BPTF: variants seen among roughly 807,000 people sequenced by gnomAD.
BPTF encodes the protein bromodomain PHD finger transcription factor.
In BPTF, 18 loss-of-function variants were observed where a neutral mutation model predicts 292.5. The observed-to-expected ratio is 0.06, with a 90% CI of 0.04 to 0.09. The LOEUF (loss-of-function observed/expected upper bound fraction) is 0.09. Among genes scored for constraint, BPTF ranks in the 10% least tolerant of loss-of-function variants. The pLI is 1.00. For synonymous variants in BPTF, 1,225 were observed against 1,251.9 expected (o/e 0.98, Z 0.45); for missense variants, 2,726 against 3,498.7 (o/e 0.78, Z 5.57).
chr17:67,941,251 G>A lies in BPTF; in HGVS notation c.6477+595G>A, dbSNP rs2065339850. 2.6e-5 allele frequency among the ~76,000 whole-genome samples: 4 copies of A among 152,328 alleles called. No homozygotes were observed. The South Asian group carries it at 8.3e-4, about 32-fold the overall frequency. On this transcript the variant is annotated intron_variant, in intron 19 of 27. Transcript: ENST00000306378. ...GGATTGCTTGAGGTCAGGAGTCTGA[G>A]ACCAGCCTGACCAACATGGTGAAAT...
At chr17:67,919,630 A>G (rs892571857) in intron 12 of BPTF, among the ~76,000 whole-genome samples, 2 of 152,206 alleles carry the variant, frequency 1.3e-5, no homozygotes, top group Non-Finnish European at 2.9e-5. Context: ...TCAGATTATA[A>G]AGTGAGTCAC....
intron 3 of BPTF, among the ~76,000 whole-genome samples, chr17:67,872,397 A>T (rs1039874750): frequency 3.3e-5 from 5 of 152,146 alleles, no homozygotes; most frequent in African/African-American, 1.2e-4. Flanking sequence ...TGATTTGGTT[A>T]AGAAAAGCTA....
At position 67,895,865 on chromosome 17, in the gene BPTF, T is replaced by G. The variant is rs550203540; in HGVS notation, c.2543+1700T>G. On this transcript the variant is annotated intron_variant, in intron 7 of 27. Coordinates refer to ENST00000306378, the MANE Select transcript of BPTF (RefSeq NM_182641.4). The stretch of plus-strand genomic sequence containing the variant: ...CCTTCCTAGTACAGTAGAGAGACTT[T>G]TACCCTGTGTACATGAGAAGACATT... Among the ~76,000 whole-genome samples, 16 of 148,424 alleles carry G rather than the reference T, an allele frequency of 1.1e-4. No homozygotes were observed. In the South Asian group the frequency reaches 3.3e-3, roughly 31 times the overall value.
intron 23 of BPTF, among the ~76,000 whole-genome samples, chr17:67,953,961 CTTTTTTTTTTTTTTTTTTTTTTTTTTT>C (rs869063412): frequency 1.1e-3 from 72 of 65,646 alleles, no homozygotes; most frequent in Non-Finnish European, 1.6e-3. Flanking sequence ...CTTTTCTTTT[CTTTTTTTTTTTTTTTTTTTTTTTTTTT>C]TTTTTTTTTT....
chr17:67,911,349 T>C lies in BPTF; in HGVS notation c.3465T>C (p.His1155=). Residue 1155 remains histidine (H), a synonymous_variant, in exon 11 of 28, where the codon CAT becomes CAC. Coordinates refer to ENST00000306378, the MANE Select transcript of BPTF (RefSeq NM_182641.4). ...SSVLRMSDPS[H]TTNKLYPKDR... is the part of the protein sequence containing the mutation. ...TTCTTAGAATGAGTGATCCTAGTCA[T>C]ACCACAAACAAACTTTATCCAAAAG... The C allele has an allele frequency of 1.2e-6, 2 of 1,614,132 alleles. No individual in the cohort carries two copies. Among genetic ancestry groups the C allele is most frequent in the Non-Finnish European group, 1.7e-6 (2 of 1,180,022 alleles).
Position 67,944,096 on chromosome 17 carries a change from ATACATACAGAT to A in BPTF, c.6478-52_6478-42del. The A allele has an allele frequency of 2.4e-6, 3 of 1,274,032 alleles. No individual in the cohort carries two copies. In the Admixed American group the frequency reaches 5.2e-5, roughly 22 times the overall value. 78.9% of individuals were successfully genotyped at this position (1,274,032 alleles called of 1,614,324 possible). ...ATAAAAATGATTTAATAAAAATGATATACATACAGATTGATGCTTTGAACACTGTTTACATG... is the reference window on the plus strand; with the variant it reads ...ATAAAAATGATTTAATAAAAATGATATGATGCTTTGAACACTGTTTACATG... On this transcript the variant is annotated intron_variant, in intron 19 of 27. Coordinates refer to ENST00000306378, the MANE Select transcript of BPTF (RefSeq NM_182641.4).
At chr17:67,875,170 G>A (rs570790794) in intron 4 of BPTF, 150 bp downstream of exon 4, 42 of 684,934 alleles carry the variant, frequency 6.1e-5, no homozygotes, top group Admixed American at 1.8e-4. Flanking sequence ...CTCTTATAAC[G>A]TGTGTAACAA....
chr17:67,931,764 C>A, intron 17 of BPTF, 147 bp from the exon 18 acceptor site: 2 of 563,530 alleles, frequency 3.5e-6, no homozygotes, highest in Non-Finnish European at 6.0e-6. Flanking sequence ...ATGTTTAATA[C>A]AATTTAAAAT....
At chr17:67,973,037 T>TTATATATATATATATTTTATATATA (rs1568222163) in intron 26 of BPTF, among the ~76,000 whole-genome samples, 1 of 143,090 alleles carries the variant, frequency 7.0e-6, no homozygotes, top group Non-Finnish European at 1.5e-5. Context: ...ATATATATAT[T>TTATATATATATATATTTTATATATA]TATATATATA....
At chr17:67,877,204 C>G (rs1182355504) in intron 4 of BPTF, among the ~76,000 whole-genome samples, 2 of 152,176 alleles carry the variant, frequency 1.3e-5, no homozygotes, top group Non-Finnish European at 2.9e-5. Flanking sequence ...TAGATAAGGT[C>G]TGGGCCCTTG....
intron 27 of BPTF, among the ~76,000 whole-genome samples, chr17:67,976,708 AAAAAAAAT>A (rs1555694118): frequency 1.4e-5 from 2 of 142,108 alleles, no homozygotes; most frequent in African/African-American, 5.1e-5. Context: ...AAAAAAAAAA[AAAAAAAAT>A]AAGAATAAAA....
chr17:67,826,394 C>G lies in BPTF; in HGVS notation c.613+57C>G, dbSNP rs533250480. 2.4e-5 allele frequency: 37 copies of G among 1,535,436 alleles called. 2 individuals are homozygous for G. The East Asian group carries it at 7.2e-4, about 30-fold the overall frequency. ...TTCCCCACCTCCTCTGCCCTCCCCCCTTGCTCACTCGTGTGCTGTGCATCC... is the reference window on the plus strand; with the variant it reads ...TTCCCCACCTCCTCTGCCCTCCCCCGTTGCTCACTCGTGTGCTGTGCATCC... On this transcript the variant is annotated intron_variant, in intron 1 of 27. Coordinates refer to ENST00000306378, the MANE Select transcript of BPTF (RefSeq NM_182641.4).
Position 67,912,714 on chromosome 17 carries a change from G to C in BPTF, c.4830G>C (p.Lys1610Asn). Reference sequence around the variant, plus strand: ...TGATCAAGGTAGAAAAAGGCGATAAGCAAACTGTGGTTTCTTCCACAGAAA... The same window carrying C: ...TGATCAAGGTAGAAAAAGGCGATAACCAAACTGTGGTTTCTTCCACAGAAA... ...KTVIKVEKGD[K>N]QTVVSSTENC... The change falls in exon 11 of 28, where the codon AAG (lysine) becomes AAC (asparagine). Residue 1610 changes from lysine (K) to asparagine (N), a missense_variant. Transcript: ENST00000306378. 1.9e-6 allele frequency: 3 copies of C among 1,614,028 alleles called. No homozygotes were observed. Among genetic ancestry groups the C allele is most frequent in the Non-Finnish European group, 2.5e-6 (3 of 1,180,030 alleles).
At chr17:67,873,678 AATGAACCCT>A (rs564886323) in intron 3 of BPTF, among the ~76,000 whole-genome samples, 261 of 152,298 alleles carry the variant, frequency 1.7e-3, no homozygotes, top group African/African-American at 6.1e-3. Flanking sequence ...GGCAATGGTA[AATGAACCCT>A]ATACAGACAC....
At position 67,910,984 on chromosome 17, in the gene BPTF, T is replaced by A. The variant is rs745543931; in HGVS notation, c.3100T>A (p.Ser1034Thr). ...GTCACATGTAAATTGTCAGGAGAGT[T>A]CTCAAGTAGATGTGGTCAATGTTAG... ...TESHVNCQES[S>T]QVDVVNVSEG... is the part of the protein sequence containing the mutation. Residue 1034 changes from serine (S) to threonine (T), a missense_variant, in exon 11 of 28, where the codon TCT becomes ACT. This residue lies in a region of BPTF where 713 missense variants were observed against 714.9 expected (regional missense o/e 1.00). Transcript: ENST00000306378. 1 of 1,613,922 alleles carries A rather than the reference T, an allele frequency of 6.2e-7. No individual in the cohort carries two copies. The highest frequency in any genetic ancestry group is 2.2e-5 in the East Asian group (1 of 44,874).
Position 67,911,729 on chromosome 17 carries a change from A to G in BPTF, c.3845A>G (p.Asp1282Gly), listed in dbSNP as rs1399699563. Residue 1282 changes from aspartate (D) to glycine (G), a missense_variant, in exon 11 of 28, where the codon GAC becomes GGC. Physicochemically the swap from Asp to Gly is moderately conservative, Grantham distance 94. Around this residue, in one of 22 missense-constraint regions of BPTF, gnomAD observed 713 missense variants for 714.9 expected, o/e 1.00. Coordinates refer to ENST00000306378, the MANE Select transcript of BPTF (RefSeq NM_182641.4). ...AMDFEGKLGC[D>G]SESNSTLENS... ...GACTTTGAAGGAAAACTGGGATGTG[A>G]CTCTGAATCTAATAGCACTTTGGAA... The G allele has an allele frequency of 3.7e-6, 6 of 1,614,164 alleles. No homozygotes were observed. Among genetic ancestry groups the G allele is most frequent in the Non-Finnish European group, 5.1e-6 (6 of 1,180,022 alleles).
intron 11 of BPTF, 81 bp from the exon 12 acceptor site, chr17:67,918,633 A>C: frequency 7.6e-7 from 1 of 1,314,816 alleles, no homozygotes; most frequent in Non-Finnish European, 1.1e-6. Context: ...ACAGCCCTTC[A>C]GTTTAGTAGA....
intron 4 of BPTF, among the ~76,000 whole-genome samples, chr17:67,886,710 GT>G (rs1236288231): frequency 1.3e-5 from 2 of 151,978 alleles, no homozygotes; most frequent in Non-Finnish European, 2.9e-5. Context: ...TAGTTTTGGG[GT>G]TTTTTGAAAT....
intron 1 of BPTF, among the ~76,000 whole-genome samples, chr17:67,845,474 CATT>C (rs1360179671): frequency 6.6e-6 from 1 of 152,128 alleles, no homozygotes; most frequent in Non-Finnish European, 1.5e-5. Context: ...TTTTATTATT[CATT>C]GTGAAAAACA....
Sources: gnomAD v4.1 joint callset for allele counts (sites outside exome capture counted in the v4.1 genomes callset) on GRCh38, gnomAD v4.1.1 for gene constraint, gnomAD v4.1.1 regional missense constraint, MANE v1.5 for transcripts, NCBI Gene and HGNC (gene_info 2026-07-23, HGNC 2026-07-21) for gene names.